The following PCDHGB6 variants were observed in gnomAD, a reference collection of about 807,000 sequenced individuals.
The protein encoded by PCDHGB6 is protocadherin gamma subfamily B, 6.
PCDHGB6 carries 51 observed loss-of-function variants against 59.1 expected under a neutral mutation model. The ratio of observed to expected loss-of-function variants is 0.86; its 90% CI spans 0.69 to 1.09. The LOEUF (loss-of-function observed/expected upper bound fraction) is 1.09. Ranked by LOEUF, PCDHGB6 falls within the 50% of genes least tolerant of loss-of-function variation. The probability of loss-of-function intolerance (pLI) is 0.00; values close to 1 mark genes in which losing one functional copy is unlikely to be tolerated. For missense variants in PCDHGB6, 1,148 were observed against 1,205.1 expected (o/e 0.95, Z 0.70); for synonymous variants, 466 against 495.1 (o/e 0.94, Z 0.78).
intron 1 of PCDHGB6, among the ~76,000 whole-genome samples, chr5:141,471,928 G>A (rs1328213264): frequency 6.6e-6 from 1 of 152,152 alleles, no homozygotes; most frequent in African/African-American, 2.4e-5. Context: ...TTTTGGGGGT[G>A]ATGAGAGTTT....
rs1485167379 is a variant in PCDHGB6, at chr5:141,485,881, C to T, written c.2419-8926C>T. 5.0e-6 allele frequency: 8 copies of T among 1,613,984 alleles called. No homozygotes were observed. Among genetic ancestry groups the T allele is most frequent in the East Asian group, 2.2e-5 (1 of 44,880 alleles). On this transcript the variant is annotated intron_variant, in intron 1 of 3. Transcript: ENST00000520790. The surrounding 1 kb of genome is among the most constrained non-coding windows in gnomAD (Gnocchi z 5.7). ...TCCGGGTATCCGTGCTGGACGTAAACGACAACGCCCCAGCCTTCCAGCAAT... is the reference window on the plus strand; with the variant it reads ...TCCGGGTATCCGTGCTGGACGTAAATGACAACGCCCCAGCCTTCCAGCAAT...
Position 141,451,083 on chromosome 5 carries a change from C to T in PCDHGB6, c.2418+40463C>T, listed in dbSNP as rs192869194. On this transcript the variant is annotated intron_variant, in intron 1 of 3. Coordinates refer to ENST00000520790, the MANE Select transcript of PCDHGB6 (RefSeq NM_018926.3). The stretch of plus-strand genomic sequence containing the variant: ...GACCTTGTGATCCACCCACCTTGAC[C>T]TCCCAAAGTGTTGGGATTACAGGCG... 4.9e-4 allele frequency among the ~76,000 whole-genome samples: 75 copies of T among 152,174 alleles called. 3 individuals carry two copies. In the East Asian group the frequency reaches 0.014, roughly 29 times the overall value.
chr5:141,444,265 A>G (rs1355824197), intron 1 of PCDHGB6, among the ~76,000 whole-genome samples: 3 of 133,712 alleles, frequency 2.2e-5, no homozygotes, highest in Non-Finnish European at 3.1e-5. Flanking sequence ...TCCGCCTCCC[A>G]GGTTCAAGTG....
chr5:141,479,860 C>T (rs1374284598), intron 1 of PCDHGB6, among the ~76,000 whole-genome samples: 2 of 152,108 alleles, frequency 1.3e-5, no homozygotes, highest in Admixed American at 6.5e-5. Context: ...AAGGCCTTTG[C>T]CCTGGAGAGA....
At chr5:141,455,289 A>G (rs1592356100) in intron 1 of PCDHGB6, among the ~76,000 whole-genome samples, 2 of 152,192 alleles carry the variant, frequency 1.3e-5, no homozygotes, top group East Asian at 3.9e-4. Context: ...ATCACTTTAC[A>G]TAGTTTCATC....
At position 141,485,260 on chromosome 5, in the gene PCDHGB6, G is replaced by A. The variant is rs773919574; in HGVS notation, c.2419-9547G>A. On this transcript the variant is annotated intron_variant, in intron 1 of 3. Transcript: ENST00000520790. This position sits in a 1 kb window ranked among gnomAD's most constrained non-coding sequence, Gnocchi z 5.7. ...TTTACCACCTGGGTTACGTTTGTGG[G>A]CAGATCCGCTACCCGGTCCCAGAGG... The A allele has an allele frequency of 8.7e-6, 14 of 1,614,002 alleles. No individual in the cohort carries two copies. In the African/African-American group the frequency reaches 1.5e-4, roughly 17 times the overall value.
At chr5:141,426,514 G>A (rs867794856) in intron 1 of PCDHGB6, 22 of 340,738 alleles carry the variant, frequency 6.5e-5, no homozygotes, top group Non-Finnish European at 8.2e-5. Context: ...ATACTTTACC[G>A]TGAACACGGA....
In PCDHGB6 at chr5:141,490,363, C is replaced by G; in HGVS notation, c.2419-4444C>G. 3 of 1,614,154 alleles carry G rather than the reference C, an allele frequency of 1.9e-6. No homozygotes were observed. Among genetic ancestry groups the G allele is most frequent in the Non-Finnish European group, 2.5e-6 (3 of 1,180,032 alleles). On this transcript the variant is annotated intron_variant, in intron 1 of 3. Transcript: ENST00000520790. This position sits in a 1 kb window ranked among gnomAD's most constrained non-coding sequence, Gnocchi z 5.4. ...CACAGTAGTGGGGTTGTTTAATGTGCGAGACCGGGACTCAGGTAGAAATGG... is the reference window on the plus strand; with the variant it reads ...CACAGTAGTGGGGTTGTTTAATGTGGGAGACCGGGACTCAGGTAGAAATGG...
Position 141,491,589 on chromosome 5 carries a change from C to T in PCDHGB6, c.2419-3218C>T. 6.2e-7 allele frequency: 1 copy of T among 1,613,926 alleles called. No homozygotes were observed. The highest frequency in any genetic ancestry group is 8.5e-7 in the Non-Finnish European group (1 of 1,180,024). ...GGACGTGCTTTTCACCGGCCTCGGA[C>T]GGCAGTGACTTCACTTTTCTAAGAC... On this transcript the variant is annotated intron_variant, in intron 1 of 3. Transcript: ENST00000520790. This position sits in a 1 kb window ranked among gnomAD's most constrained non-coding sequence, Gnocchi z 6.9.
intron 1 of PCDHGB6, chr5:141,413,467 G>C: frequency 1.2e-6 from 2 of 1,614,136 alleles, no homozygotes; most frequent in East Asian, 2.2e-5. Context: ...AGACCGGGAG[G>C]AGCTCTGCGC....
chr5:141,478,489 C>T (rs779457709), intron 1 of PCDHGB6: 99 of 1,613,162 alleles, frequency 6.1e-5, no homozygotes, highest in Non-Finnish European at 8.1e-5. Context: ...CGCTGCGGAG[C>T]TGTGATCCGG....
At chr5:141,508,295 G>C (rs989632251) in intron 3 of PCDHGB6, 5 of 152,202 alleles carry the variant, frequency 3.3e-5, no homozygotes, top group Non-Finnish European at 7.3e-5. Context: ...TGGGCCTTGG[G>C]GGGAGTGGGG....
chr5:141,420,905 T>TA (rs545324172), intron 1 of PCDHGB6: 3 of 299,970 alleles, frequency 1.0e-5, no homozygotes, highest in Non-Finnish European at 1.9e-5. Flanking sequence ...GCTCTACAAA[T>TA]ACGTGTGATT....
At chr5:141,459,302 A>T (rs1401348885) in intron 1 of PCDHGB6, among the ~76,000 whole-genome samples, 1 of 152,210 alleles carries the variant, frequency 6.6e-6, no homozygotes, top group African/African-American at 2.4e-5. Flanking sequence ...CCTATAACAT[A>T]TACTATTTTG....
At position 141,491,127 on chromosome 5, in the gene PCDHGB6, C is replaced by T. The variant is rs2099708654; in HGVS notation, c.2419-3680C>T. On this transcript the variant is annotated intron_variant, in intron 1 of 3. Transcript: ENST00000520790. This position sits in a 1 kb window ranked among gnomAD's most constrained non-coding sequence, Gnocchi z 6.9. ...TGTCTACACACACTGGTGAGGTGCGCACAGCCCGGGCCTTACTGGAGGATG... is the reference window on the plus strand; with the variant it reads ...TGTCTACACACACTGGTGAGGTGCGTACAGCCCGGGCCTTACTGGAGGATG... 1 of 1,614,076 alleles carries T rather than the reference C, an allele frequency of 6.2e-7. No individual in the cohort carries two copies. The highest frequency in any genetic ancestry group is 1.3e-5 in the African/African-American group (1 of 74,942).
At position 141,415,641 on chromosome 5, in the gene PCDHGB6, TAA is replaced by T. The variant is rs113784532; in HGVS notation, c.2418+5031_2418+5032del. On this transcript the variant is annotated intron_variant, in intron 1 of 3. Transcript: ENST00000520790. ...GTTTTATTTTCATTTTTACTTTTGT[TAA>T]AAAAAAAAAGATTGGTTTTTACTTT... is the stretch of plus-strand genomic sequence containing the variant. 3.1e-5 allele frequency: 40 copies of T among 1,280,748 alleles called. No homozygotes were observed. The African/African-American group carries it at 4.6e-4, about 15-fold the overall frequency. 79.3% of individuals were successfully genotyped at this position (1,280,748 alleles called of 1,614,324 possible).
intron 2 of PCDHGB6, among the ~76,000 whole-genome samples, chr5:141,500,892 G>GAT (rs1036007799): frequency 1.1e-5 from 1 of 88,010 alleles, no homozygotes; most frequent in African/African-American, 7.1e-5. Flanking sequence ...TTTTTTTTGA[G>GAT]ACAGTCTCGC....
At chr5:141,478,395 T>C in intron 1 of PCDHGB6, 1 of 1,613,510 alleles carries the variant, frequency 6.2e-7, no homozygotes, top group Non-Finnish European at 8.5e-7. Flanking sequence ...TACCATCAGG[T>C]GTATCTCACC....
Position 141,432,153 on chromosome 5 carries a change from A to T in PCDHGB6, c.2418+21533A>T. 6.2e-7 allele frequency: 1 copy of T among 1,613,758 alleles called. No homozygotes were observed. The highest frequency in any genetic ancestry group is 8.5e-7 in the Non-Finnish European group (1 of 1,179,910). On this transcript the variant is annotated intron_variant, in intron 1 of 3. Transcript: ENST00000520790. This position sits in a 1 kb window ranked among gnomAD's most constrained non-coding sequence, Gnocchi z 6.0. ...TATTCCGCTTATATCCCAGAGAACA[A>T]TCCCAGAGGAGTTTCCCTCGTCTCT...
Sources: gnomAD v4.1 joint callset for allele counts (sites outside exome capture counted in the v4.1 genomes callset) on GRCh38, gnomAD v4.1.1 for gene constraint, Gnocchi (gnomAD v3.1) non-coding constraint, MANE v1.5 for transcripts, NCBI Gene and HGNC (gene_info 2026-07-23, HGNC 2026-07-21) for gene names.